TRHDE: variants seen among roughly 807,000 people sequenced by gnomAD.
The protein encoded by TRHDE is thyrotropin-releasing hormone-degrading ectoenzyme.
In TRHDE, 72 loss-of-function variants were observed where a neutral mutation model predicts 125.7. The ratio of observed to expected loss-of-function variants is 0.57; its 90% CI spans 0.47 to 0.70. The LOEUF is 0.70. TRHDE is among the 30% of genes least tolerant of loss of function. The probability of loss-of-function intolerance (pLI) is 0.00; values close to 1 mark genes in which losing one functional copy is unlikely to be tolerated. For synonymous variants in TRHDE, 509 were observed against 509.1 expected, an observed-to-expected ratio of 1.00 and a Z score of 0.00; for missense variants, 1,110 against 1,327.1, an observed-to-expected ratio of 0.84 and a Z score of 2.54.
chr12:72,431,394 T>C (rs903369502), intron 3 of TRHDE, among the ~76,000 whole-genome samples: 1 of 152,194 alleles, frequency 6.6e-6, no homozygotes, highest in Non-Finnish European at 1.5e-5. Flanking sequence ...GAAGAAAAAT[T>C]TAACAGGTTT....
At chr12:72,337,470 A>G (rs1869879695) in intron 2 of TRHDE, among the ~76,000 whole-genome samples, 1 of 152,186 alleles carries the variant, frequency 6.6e-6, no homozygotes, top group South Asian at 2.1e-4. Context: ...TCATTTTTAG[A>G]CCTTCTTCAG....
intron 15 of TRHDE, among the ~76,000 whole-genome samples, chr12:72,651,278 C>T (rs937633871): frequency 7.9e-5 from 12 of 152,050 alleles, no homozygotes; most frequent in African/African-American, 2.6e-4. Flanking sequence ...GATTGTAGCC[C>T]TTCTTAGCTG....
Position 72,273,631 on chromosome 12 carries a change from CG to C in TRHDE, c.914+78del. On this transcript the variant is annotated intron_variant, in intron 1 of 18. Transcript: ENST00000261180. The surrounding 1 kb of genome is among the most constrained non-coding windows in gnomAD (Gnocchi z 5.3). ...CGAACCTCTGGGCGGCCTGCGACCC[CG>C]GGGACCCAGCTGGCTTCCAATACCC... is the stretch of plus-strand genomic sequence containing the variant. The C allele has an allele frequency of 3.5e-6, 5 of 1,423,914 alleles. No homozygotes were observed. The highest frequency in any genetic ancestry group is 4.7e-6 in the Non-Finnish European group (5 of 1,058,086). The allele number at this position is 1,423,914 out of a possible 1,614,324, so 88.2% of individuals were successfully genotyped here.
At position 72,094,475 on chromosome 12, in the gene TRHDE, C is replaced by T. The variant is rs138655791; in HGVS notation, n.174+7036C>T. Among the ~76,000 whole-genome samples, 174 of 152,308 alleles carry T rather than the reference C, an allele frequency of 1.1e-3. 3 individuals carry two copies. In the East Asian group the frequency reaches 0.017, roughly 15 times the overall value. On this transcript the variant is annotated intron_variant and non_coding_transcript_variant, in intron 1 of 4. Transcript: ENST00000548156. ...AGCTGAGAGGGCTTAAGCTGAATTA[C>T]AGGCTCTTTTGGATCTGCTATGGGA...
chr12:72,286,658 G>GAA, intron 1 of TRHDE, 23 bp from the exon 2 acceptor site: 1 of 1,605,224 alleles, frequency 6.2e-7, no homozygotes, highest in East Asian at 2.2e-5. Flanking sequence ...ATGTAATTGA[G>GAA]AATGTCATTT....
At chr12:72,415,446 T>G (rs1314435211) in intron 3 of TRHDE, among the ~76,000 whole-genome samples, 1 of 152,036 alleles carries the variant, frequency 6.6e-6, no homozygotes, top group Non-Finnish European at 1.5e-5. Flanking sequence ...ATAGTCACCC[T>G]ATTGTGCTAC....
At chr12:72,382,848 G>C (rs1437081163) in intron 3 of TRHDE, among the ~76,000 whole-genome samples, 1 of 152,090 alleles carries the variant, frequency 6.6e-6, no homozygotes, top group African/African-American at 2.4e-5. Flanking sequence ...TTCTGATGTG[G>C]AATTAGTTTA....
At chr12:72,277,226 G>A (rs1165666446) in intron 1 of TRHDE, among the ~76,000 whole-genome samples, 4 of 152,158 alleles carry the variant, frequency 2.6e-5, no homozygotes, top group Non-Finnish European at 5.9e-5. Flanking sequence ...TTCTCAAAGA[G>A]AATTGGGACC....
intron 2 of TRHDE, among the ~76,000 whole-genome samples, chr12:72,230,864 ACT>A (rs1325609968): frequency 6.6e-6 from 1 of 151,832 alleles, no homozygotes; most frequent in Non-Finnish European, 1.5e-5. Context: ...GTAGCATAAA[ACT>A]CTATTTAAGG....
intron 7 of TRHDE, among the ~76,000 whole-genome samples, chr12:72,550,510 A>G (rs970342840): frequency 1.3e-5 from 2 of 151,992 alleles, no homozygotes; most frequent in Admixed American, 1.3e-4. Flanking sequence ...GTTACAAAAA[A>G]TTCCTCCTAA....
At chr12:72,489,291 AAC>A (rs1877554550) in intron 5 of TRHDE, among the ~76,000 whole-genome samples, 1 of 151,302 alleles carries the variant, frequency 6.6e-6, no homozygotes. Context: ...TCAAACAAAA[AAC>A]AAAAAAAATT....
At chr12:72,247,372 A>G (rs1418773490) in intron 2 of TRHDE, among the ~76,000 whole-genome samples, 1 of 152,124 alleles carries the variant, frequency 6.6e-6, no homozygotes, top group Non-Finnish European at 1.5e-5. Context: ...ATTTTGGGGA[A>G]AGTTTTGACC....
At chr12:72,532,475 T>C (rs1868605790) in intron 6 of TRHDE, among the ~76,000 whole-genome samples, 1 of 151,186 alleles carries the variant, frequency 6.6e-6, no homozygotes, top group Admixed American at 6.6e-5. Flanking sequence ...TAGAGTGAAT[T>C]CTTATTTTCA....
rs1379509045 is a variant in TRHDE, at chr12:72,556,111, C to G, written c.1789-6054C>G. 2.0e-5 allele frequency among the ~76,000 whole-genome samples: 3 copies of G among 152,102 alleles called. No homozygotes were observed. The East Asian group carries it at 5.8e-4, about 29-fold the overall frequency. ...TGTCTTTCACGCCATATCTACTGTTCATAAGAACAACAAAAGCCTAACTGA... is the reference window on the plus strand; with the variant it reads ...TGTCTTTCACGCCATATCTACTGTTGATAAGAACAACAAAAGCCTAACTGA... On this transcript the variant is annotated intron_variant, in intron 7 of 18. Coordinates refer to ENST00000261180, the MANE Select transcript of TRHDE (RefSeq NM_013381.3).
At chr12:72,366,762 T>TA (rs760688824) in intron 2 of TRHDE, among the ~76,000 whole-genome samples, 2 of 151,774 alleles carry the variant, frequency 1.3e-5, no homozygotes, top group Non-Finnish European at 2.9e-5. Flanking sequence ...GAATTTTTAG[T>TA]AAAATTCTGT....
Position 72,516,538 on chromosome 12 carries a change from CTT to C in TRHDE, c.1722+16905_1722+16906del, listed in dbSNP as rs1178178091. On this transcript the variant is annotated intron_variant, in intron 6 of 18. Transcript: ENST00000261180. Reference sequence around the variant, plus strand: ...GAAGTTGCTTATCAGCTTAAGGAGACTTTGGGCTGAGACAATGGGGTTTTCTA... The same window carrying C: ...GAAGTTGCTTATCAGCTTAAGGAGACTGGGCTGAGACAATGGGGTTTTCTA... Among the ~76,000 whole-genome samples the C allele has an allele frequency of 2.9e-3, 440 of 152,086 alleles. 2 individuals carry two copies. Among genetic ancestry groups the C allele is most frequent in the African/African-American group, 0.01 (427 of 41,458 alleles).
intron 5 of TRHDE, among the ~76,000 whole-genome samples, chr12:72,494,467 A>G (rs1877816280): frequency 6.6e-6 from 1 of 151,848 alleles, no homozygotes; most frequent in Non-Finnish European, 1.5e-5. Context: ...AGATTATTCT[A>G]TGATTTTTTT....
At chr12:72,238,311 T>TACATACACATA in intron 2 of TRHDE, among the ~76,000 whole-genome samples, 1 of 32,566 alleles carries the variant, frequency 3.1e-5, no homozygotes, top group African/African-American at 1.1e-4. Flanking sequence ...TATATATATA[T>TACATACACATA]ATATATATAT....
intron 3 of TRHDE, among the ~76,000 whole-genome samples, chr12:72,456,693 CAAAA>C (rs558471436): frequency 4.1e-5 from 6 of 147,788 alleles, no homozygotes; most frequent in Non-Finnish European, 7.5e-5. Context: ...ATGATTAGTA[CAAAA>C]AAAAAATCTC....
Sources: allele counts gnomAD v4.1 joint callset (sites outside exome capture counted in the v4.1 genomes callset), GRCh38; gene constraint gnomAD v4.1.1; non-coding constraint Gnocchi (gnomAD v3.1); transcripts MANE v1.5; gene names NCBI Gene and HGNC (gene_info 2026-07-23, HGNC 2026-07-21).